Variants in SYNPO observed in about 807,000 individuals in gnomAD.
SYNPO encodes synaptopodin.
Under a neutral mutation model 49.5 loss-of-function variants are expected in SYNPO, and 19 were observed. The observed-to-expected ratio is 0.38, with a 90% CI of 0.27 to 0.56. SYNPO has a LOEUF of 0.56. Ranked by LOEUF, SYNPO falls within the 20% of genes least tolerant of loss-of-function variation. The probability of loss-of-function intolerance (pLI) is 0.68; values close to 1 mark genes in which losing one functional copy is unlikely to be tolerated. For synonymous variants in SYNPO, 536 were observed against 548.0 expected (o/e 0.98, Z 0.31); for missense variants, 1,131 against 1,248.3 (o/e 0.91, Z 1.42).
At chr5:150,589,909 G>A in the SYNPO span, among the ~76,000 whole-genome samples, 1 of 152,208 alleles carries the variant, frequency 6.6e-6, no homozygotes, top group Non-Finnish European at 1.5e-5. Flanking sequence ...CCTTTGCTGT[G>A]GGGAGAGGTC....
intron 2 of SYNPO, among the ~76,000 whole-genome samples, chr5:150,626,712 G>A (rs756985651): frequency 3.3e-5 from 5 of 152,188 alleles, no homozygotes; most frequent in African/African-American, 9.7e-5. Context: ...GCATCCCTAG[G>A]TTCTTCCGTG....
intron 1 of SYNPO, 77 bp from the exon 2 acceptor site, chr5:150,647,867 C>T: frequency 3.7e-6 from 5 of 1,347,870 alleles, no homozygotes; most frequent in Non-Finnish European, 4.1e-6. Flanking sequence ...GCGACCATCT[C>T]TGTCTGCCTG....
At position 150,651,531 on chromosome 5, in the gene SYNPO, G is replaced by A. The variant is rs1036482857; in HGVS notation, c.2028+1228G>A. 4.0e-6 allele frequency: 4 copies of A among 1,001,468 alleles called. No individual in the cohort carries two copies. The African/African-American group carries it at 7.0e-5, about 17-fold the overall frequency. 62.0% of individuals were successfully genotyped at this position (1,001,468 alleles called of 1,614,324 possible). A position where few individuals can be genotyped will look rare whatever the true frequency, so the allele number is the denominator to read the frequency against. ...GACAGGTGGCGTTAGATGGCTGTGAGGGTGACCTGGTGAGGGAAGGGTTGG... is the reference window on the plus strand; with the variant it reads ...GACAGGTGGCGTTAGATGGCTGTGAAGGTGACCTGGTGAGGGAAGGGTTGG... On this transcript the variant is annotated intron_variant, in intron 2 of 2. Transcript: ENST00000307662.
chr5:150,649,661 G>T lies in SYNPO; in HGVS notation c.1386G>T (p.Gln462His), dbSNP rs1201991374. 6.2e-7 allele frequency: 1 copy of T among 1,609,936 alleles called. No homozygotes were observed. Among genetic ancestry groups the T allele is most frequent in the South Asian group, 1.1e-5 (1 of 91,082 alleles). The change falls in exon 2 of 3, where the codon CAG becomes CAT. Residue 462 changes from glutamine (Q) to histidine (H), a missense_variant. Physicochemically the swap from Gln to His is conservative, Grantham distance 24. Coordinates refer to ENST00000307662, the MANE Select transcript of SYNPO (RefSeq NM_007286.6). ...CCTGCCTCAAGTCACCCCGCATCCAGGCCAAGCCGAAGCCCAAACCCAACC... is the reference window on the plus strand; with the variant it reads ...CCTGCCTCAAGTCACCCCGCATCCATGCCAAGCCGAAGCCCAAACCCAACC... ...WASCLKSPRI[Q>H]AKPKPKPNQN... is the part of the protein sequence containing the mutation.
At position 150,658,009 on chromosome 5, in the gene SYNPO, C is replaced by T. The variant is rs1317854302; in HGVS notation, c.*922C>T. 3 of 152,340 alleles carry T rather than the reference C, an allele frequency of 2.0e-5. No individual in the cohort carries two copies. Among genetic ancestry groups the T allele is most frequent in the Non-Finnish European group, 2.9e-5 (2 of 68,064 alleles). The allele number at this position is 152,340 out of a possible 1,614,324, so 9.4% of individuals were successfully genotyped here. A position where few individuals can be genotyped will look rare whatever the true frequency, so the allele number is the denominator to read the frequency against. On this transcript the variant is annotated 3_prime_UTR_variant, in exon 3 of 3. Transcript: ENST00000307662. ...GGGGAGAGAAGAGATACAGAGCTAC[C>T]ATGTGACTTTACCTGATTGCCCTCA...
chr5:150,654,138 G>C (rs1248677810), intron 2 of SYNPO: 2 of 152,256 alleles, frequency 1.3e-5, no homozygotes, highest in East Asian at 3.9e-4. Flanking sequence ...GATTTTGATC[G>C]GGTAGGAAGC....
intron 1 of SYNPO, among the ~76,000 whole-genome samples, chr5:150,602,808 T>C (rs867802075): frequency 6.6e-6 from 1 of 152,000 alleles, no homozygotes; most frequent in Admixed American, 6.5e-5. Context: ...CCCAGCGCGC[T>C]GGGATTACAG....
intron 1 of SYNPO, among the ~76,000 whole-genome samples, chr5:150,645,875 C>G (rs1228995990): frequency 6.6e-6 from 1 of 152,184 alleles, no homozygotes; most frequent in African/African-American, 2.4e-5. Flanking sequence ...ATTGGTGAAA[C>G]TAGCTCAATT....
At chr5:150,588,984 C>G in the SYNPO span, among the ~76,000 whole-genome samples, 5 of 152,098 alleles carry the variant, frequency 3.3e-5, no homozygotes, top group East Asian at 9.7e-4. Context: ...TATATTGATT[C>G]AATGCATTCC....
At chr5:150,620,693 T>C (rs963603676) in intron 2 of SYNPO, among the ~76,000 whole-genome samples, 14 of 152,258 alleles carry the variant, frequency 9.2e-5, no homozygotes, top group African/African-American at 3.4e-4. Flanking sequence ...ACCAAGCCAG[T>C]TCATTTGATA....
intron 2 of SYNPO, among the ~76,000 whole-genome samples, chr5:150,630,713 CT>C (rs1371608938): frequency 3.9e-5 from 6 of 152,264 alleles, no homozygotes; most frequent in Non-Finnish European, 5.9e-5. Flanking sequence ...CCACCCTCTC[CT>C]CTCCCTCCTC....
chr5:150,598,383 AGGCT>A (rs1756462006), upstream of SYNPO, among the ~76,000 whole-genome samples: 1 of 152,232 alleles, frequency 6.6e-6, no homozygotes, highest in Admixed American at 6.5e-5. Flanking sequence ...TGAAGGGCAT[AGGCT>A]GGAGGTAGCA....
intron 2 of SYNPO, among the ~76,000 whole-genome samples, chr5:150,620,897 TTCTC>T (rs1192475811): frequency 1.8e-5 from 2 of 110,394 alleles, no homozygotes; most frequent in Non-Finnish European, 3.7e-5. Flanking sequence ...TTTTCTTTTT[TTCTC>T]TTTCTTTCTT....
chr5:150,655,210 TA>T (rs1031139358), intron 2 of SYNPO, among the ~76,000 whole-genome samples: 1 of 152,244 alleles, frequency 6.6e-6, no homozygotes. Flanking sequence ...TAAACTTATA[TA>T]AAAAGTAATA....
chr5:150,641,434 AC>A (rs779154239), intron 1 of SYNPO, among the ~76,000 whole-genome samples: 14 of 151,730 alleles, frequency 9.2e-5, no homozygotes, highest in Non-Finnish European at 1.9e-4. Context: ...TCTCTGTCCC[AC>A]CCCGCCCCAC....
intron 1 of SYNPO, among the ~76,000 whole-genome samples, chr5:150,602,836 T>C (rs1756580643): frequency 6.6e-6 from 1 of 152,172 alleles, no homozygotes; most frequent in East Asian, 1.9e-4. Context: ...CCACCACGTG[T>C]AGCCGCTTTC....
At chr5:150,607,684 C>T (rs1167609120) in intron 1 of SYNPO, among the ~76,000 whole-genome samples, 6 of 151,934 alleles carry the variant, frequency 3.9e-5, no homozygotes. Flanking sequence ...GCAGTGGAGA[C>T]CAGCCCTCCT....
In SYNPO at chr5:150,652,428, G is replaced by C; in HGVS notation, c.2028+2125G>C. The stretch of plus-strand genomic sequence containing the variant: ...CTAGCCTGGGAAGTGGAGTGGGCCT[G>C]CTCAATTACTGTGTGTGAAAGTGTG... On this transcript the variant is annotated intron_variant, in intron 2 of 2. Transcript: ENST00000307662. 4.1e-6 allele frequency: 4 copies of C among 984,404 alleles called. No individual in the cohort carries two copies. The Admixed American group carries it at 2.5e-4, about 60-fold the overall frequency. 61.0% of individuals were successfully genotyped at this position (984,404 alleles called of 1,614,324 possible). A position where few individuals can be genotyped will look rare whatever the true frequency, so the allele number is the denominator to read the frequency against.
chr5:150,611,696 G>C (rs79223015), intron 1 of SYNPO, among the ~76,000 whole-genome samples: 1 of 152,214 alleles, frequency 6.6e-6, no homozygotes, highest in African/African-American at 2.4e-5. Context: ...CGCTGAGGAA[G>C]GGAGGAAGGA....
Sources: gnomAD v4.1 joint callset for allele counts (sites outside exome capture counted in the v4.1 genomes callset) on GRCh38, gnomAD v4.1.1 for gene constraint, MANE v1.5 for transcripts, NCBI Gene and HGNC (gene_info 2026-07-23, HGNC 2026-07-21) for gene names.